The following KSR2 variants were observed in gnomAD, a reference collection of about 807,000 sequenced individuals.
The protein encoded by KSR2 is kinase suppressor of ras 2.
KSR2 carries 25 observed loss-of-function variants against 107.8 expected under a neutral mutation model. That is an observed-to-expected ratio of 0.23 (90% CI 0.17 to 0.32). KSR2 has a LOEUF of 0.32. Among genes scored for constraint, KSR2 ranks in the 10% least tolerant of loss-of-function variants. KSR2 has a pLI of 1.00. For missense variants in KSR2, 887 were observed against 1,268.9 expected, an observed-to-expected ratio of 0.70 and a Z score of 4.57; for synonymous variants, 480 against 507.0, an observed-to-expected ratio of 0.95 and a Z score of 0.71.
chr12:117,763,801 G>C (rs574515568), intron 3 of KSR2, among the ~76,000 whole-genome samples: 2 of 152,240 alleles, frequency 1.3e-5, no homozygotes, highest in Non-Finnish European at 2.9e-5. Context: ...CCAATTAAGG[G>C]GTATCTCAGG....
chr12:117,843,849 T>C (rs1892594074), intron 3 of KSR2, among the ~76,000 whole-genome samples: 1 of 151,886 alleles, frequency 6.6e-6, no homozygotes, highest in Non-Finnish European at 1.5e-5. Context: ...ACGTATTGGC[T>C]GCCAGATGTC....
chr12:117,535,428 G>A (rs909895296), intron 10 of KSR2, among the ~76,000 whole-genome samples: 3 of 152,168 alleles, frequency 2.0e-5, no homozygotes, highest in Non-Finnish European at 4.4e-5. Flanking sequence ...ATGGCACAGA[G>A]TGATGAGCAT....
chr12:117,945,838 C>T (rs535138475), intron 1 of KSR2, among the ~76,000 whole-genome samples: 2 of 152,032 alleles, frequency 1.3e-5, no homozygotes, highest in South Asian at 2.1e-4. Context: ...AGAGTGCTAG[C>T]GTGCAAACAA....
chr12:117,724,084 A>G (rs937846125), intron 4 of KSR2, among the ~76,000 whole-genome samples: 1 of 152,128 alleles, frequency 6.6e-6, no homozygotes, highest in Admixed American at 6.5e-5. Context: ...AGGTGGGCGA[A>G]TCACTTGAGG....
rs1247936193 is a variant in KSR2 at position 117,613,286 on chromosome 12, C to A, written c.1172-30927G>T. ...CATACATTTTGACCTAACAATTCTA[C>A]TTCTGTTATATCACATAGAAATAGT... On this transcript the variant is annotated intron_variant, in intron 5 of 19. Transcript: ENST00000339824. Among the ~76,000 whole-genome samples the A allele has an allele frequency of 2.0e-5, 3 of 152,198 alleles. No homozygotes were observed. In the East Asian group the frequency reaches 5.8e-4, roughly 29 times the overall value.
At chr12:117,588,888 C>T (rs1044785618) in intron 5 of KSR2, among the ~76,000 whole-genome samples, 57 of 152,188 alleles carry the variant, frequency 3.7e-4, no homozygotes, top group African/African-American at 1.4e-3. Flanking sequence ...GGATAATGCA[C>T]ACAGAGTATT....
intron 1 of KSR2, among the ~76,000 whole-genome samples, chr12:117,866,040 T>TTATTTTTA (rs545494717): frequency 2.8e-5 from 4 of 143,140 alleles, no homozygotes; most frequent in African/African-American, 1.0e-4. Context: ...ATCTCTCTCT[T>TTATTTTTA]TTTTTTTTTT....
At chr12:117,566,620 A>G (rs977004374) in intron 7 of KSR2, among the ~76,000 whole-genome samples, 2 of 152,186 alleles carry the variant, frequency 1.3e-5, no homozygotes, top group African/African-American at 4.8e-5. Flanking sequence ...TTAAGTCAAG[A>G]AGACTGGGGT....
chr12:117,543,564 C>T (rs947475467), intron 9 of KSR2, among the ~76,000 whole-genome samples: 8 of 152,100 alleles, frequency 5.3e-5, no homozygotes, highest in Non-Finnish European at 7.4e-5. Flanking sequence ...ATAATCATGT[C>T]TTTATTTATA....
intron 4 of KSR2, among the ~76,000 whole-genome samples, chr12:117,727,447 C>T (rs982202015): frequency 1.4e-5 from 2 of 140,154 alleles, no homozygotes; most frequent in Admixed American, 7.6e-5. Flanking sequence ...GGAGGAGGAA[C>T]AAAAGGAGGA....
At chr12:117,947,933 A>G (rs757395090) in intron 1 of KSR2, among the ~76,000 whole-genome samples, 11 of 152,180 alleles carry the variant, frequency 7.2e-5, no homozygotes, top group Non-Finnish European at 1.3e-4. Flanking sequence ...GTTAGTTAAT[A>G]TAGTTAATAT....
rs185963974 is a variant in KSR2, at chr12:117,947,987, A to G, written c.180+20089T>C. Among the ~76,000 whole-genome samples the G allele has an allele frequency of 9.6e-4, 146 of 152,306 alleles. 1 individual carries two copies. The highest frequency in any genetic ancestry group is 3.4e-3 in the African/African-American group (140 of 41,574). On this transcript the variant is annotated intron_variant, in intron 1 of 19. Transcript: ENST00000339824. The stretch of plus-strand genomic sequence containing the variant: ...GAGAGACAGATTTAATGTAGTGGCA[A>G]TAAAAATCAGATATTTATTATAAAT...
intron 14 of KSR2, among the ~76,000 whole-genome samples, chr12:117,491,175 C>G (rs1302954439): frequency 6.6e-6 from 1 of 152,072 alleles, no homozygotes; most frequent in Non-Finnish European, 1.5e-5. Context: ...TGGTATTTGT[C>G]TTTTAATTAA....
intron 4 of KSR2, among the ~76,000 whole-genome samples, chr12:117,757,177 C>T (rs1888827468): frequency 6.6e-6 from 1 of 152,006 alleles, no homozygotes; most frequent in African/African-American, 2.4e-5. Context: ...GAAGTTGATT[C>T]CAACCCTCAT....
rs1873170505 is a variant in KSR2, at chr12:117,498,363, T to C, written c.2220-12672A>G. 2.0e-5 allele frequency among the ~76,000 whole-genome samples: 3 copies of C among 152,134 alleles called. No individual in the cohort carries two copies. In the South Asian group the frequency reaches 6.2e-4, roughly 32 times the overall value. On this transcript the variant is annotated intron_variant, in intron 14 of 19. Coordinates refer to ENST00000339824, the MANE Select transcript of KSR2 (RefSeq NM_173598.6). ...CCTTATCATGCATTTGCTGCTTCTG[T>C]TTGGGAATTCCCAGCTGCTACCCAG...
chr12:117,601,636 C>G (rs371846620), intron 5 of KSR2, among the ~76,000 whole-genome samples: 50 of 152,290 alleles, frequency 3.3e-4, no homozygotes, highest in African/African-American at 1.0e-3. Context: ...AGGAAGGACC[C>G]CCCCCTAGAG....
intron 5 of KSR2, among the ~76,000 whole-genome samples, chr12:117,587,866 C>G (rs16947761): frequency 0.013 from 2,035 of 152,308 alleles, 50 homozygotes; most frequent in African/African-American, 0.047. Flanking sequence ...TAAGAGCTCC[C>G]TCTGGCGGTC....
chr12:117,769,152 A>C (rs1889348252), intron 3 of KSR2, among the ~76,000 whole-genome samples: 1 of 151,958 alleles, frequency 6.6e-6, no homozygotes, highest in African/African-American at 2.4e-5. Flanking sequence ...CCCCGGGATC[A>C]CTCCCCAGGA....
intron 3 of KSR2, among the ~76,000 whole-genome samples, chr12:117,844,927 A>C (rs1892640628): frequency 1.3e-5 from 2 of 152,152 alleles, no homozygotes; most frequent in African/African-American, 4.8e-5. Flanking sequence ...CAGGTGGATC[A>C]CGAGGTCAGG....
Sources: allele counts gnomAD v4.1 joint callset (sites outside exome capture counted in the v4.1 genomes callset), GRCh38; gene constraint gnomAD v4.1.1; transcripts MANE v1.5; gene names NCBI Gene and HGNC (gene_info 2026-07-23, HGNC 2026-07-21).